Variants in CHRNA7 observed in about 807,000 individuals in gnomAD.
CHRNA7 encodes cholinergic receptor nicotinic alpha 7 subunit, also known as neuronal acetylcholine receptor subunit alpha-7.
In CHRNA7, 17 loss-of-function variants were observed where a neutral mutation model predicts 48.0. That is an observed-to-expected ratio of 0.35 (90% CI 0.24 to 0.53). CHRNA7 has a LOEUF of 0.53. CHRNA7 is among the 20% of genes least tolerant of loss of function. CHRNA7 has a pLI of 0.92. For missense variants in CHRNA7, 155 were observed against 577.7 expected (o/e 0.27, Z 7.50); for synonymous variants, 75 against 242.3 (o/e 0.31, Z 6.41).
At chr15:32,031,709 A>G (rs983830767) in intron 2 of CHRNA7, among the ~76,000 whole-genome samples, 5 of 152,246 alleles carry the variant, frequency 3.3e-5, no homozygotes, top group Non-Finnish European at 5.9e-5. Context: ...CAGCCTTGCT[A>G]GTGCCCACTT....
chr15:32,042,274 A>T (rs1009980626), intron 2 of CHRNA7, among the ~76,000 whole-genome samples: 5 of 152,092 alleles, frequency 3.3e-5, no homozygotes, highest in African/African-American at 1.2e-4. Flanking sequence ...GTGCGATAGG[A>T]TGGCTAGAGT....
chr15:32,044,340 C>T (rs1002977256), intron 2 of CHRNA7, among the ~76,000 whole-genome samples: 2 of 151,468 alleles, frequency 1.3e-5, no homozygotes, highest in African/African-American at 2.4e-5. Flanking sequence ...TGCAATGGCA[C>T]GATCTTGGCT....
At chr15:32,132,918 T>G (rs139970357) in intron 4 of CHRNA7, among the ~76,000 whole-genome samples, 3 of 152,362 alleles carry the variant, frequency 2.0e-5, no homozygotes, top group Non-Finnish European at 4.4e-5. Context: ...GTTGGTCAAT[T>G]TCTTCACTCA....
At chr15:32,103,425 A>AC (rs2050607598) in intron 3 of CHRNA7, among the ~76,000 whole-genome samples, 2 of 149,210 alleles carry the variant, frequency 1.3e-5, no homozygotes, top group African/African-American at 5.0e-5. Context: ...AAAAAAAAAA[A>AC]AGAAAGAAAA....
At chr15:32,053,106 G>A (rs2049721388) in intron 2 of CHRNA7, among the ~76,000 whole-genome samples, 1 of 152,164 alleles carries the variant, frequency 6.6e-6, no homozygotes, top group South Asian at 2.1e-4. Context: ...TTAGGAGACA[G>A]AGCCCTGAAG....
chr15:32,050,649 C>T (rs1316906151), intron 2 of CHRNA7, among the ~76,000 whole-genome samples: 2 of 152,216 alleles, frequency 1.3e-5, no homozygotes, highest in South Asian at 4.1e-4. Flanking sequence ...CTCAACTCGT[C>T]AAAGTCATTC....
intron 4 of CHRNA7, among the ~76,000 whole-genome samples, chr15:32,123,877 T>C (rs2051017054): frequency 1.3e-5 from 2 of 148,430 alleles, no homozygotes; most frequent in Admixed American, 6.8e-5. Flanking sequence ...CTGTCTTTTG[T>C]CAGTTTAATT....
At chr15:32,115,284 C>T (rs1395431595) in intron 4 of CHRNA7, among the ~76,000 whole-genome samples, 1 of 152,110 alleles carries the variant, frequency 6.6e-6, no homozygotes, top group African/African-American at 2.4e-5. Context: ...CCCAGGAAAC[C>T]GAAAGACCAG....
chr15:32,106,680 G>T (rs773819412), intron 3 of CHRNA7, among the ~76,000 whole-genome samples: 3 of 152,148 alleles, frequency 2.0e-5, no homozygotes, highest in Non-Finnish European at 4.4e-5. Flanking sequence ...AGAGACATTT[G>T]AACCATCCAG....
At chr15:32,038,353 G>A (rs1362624873) in intron 2 of CHRNA7, among the ~76,000 whole-genome samples, 1 of 151,814 alleles carries the variant, frequency 6.6e-6, no homozygotes, top group Non-Finnish European at 1.5e-5. Flanking sequence ...ATGAATAGGA[G>A]TTGGATTATG....
intron 2 of CHRNA7, among the ~76,000 whole-genome samples, chr15:32,055,421 T>G (rs1398659145): frequency 6.6e-6 from 1 of 152,232 alleles, no homozygotes; most frequent in African/African-American, 2.4e-5. Flanking sequence ...GATATCAAGG[T>G]GCCAGTATCT....
At chr15:32,052,326 C>T (rs982663917) in intron 2 of CHRNA7, among the ~76,000 whole-genome samples, 7 of 151,938 alleles carry the variant, frequency 4.6e-5, no homozygotes, top group African/African-American at 1.7e-4. Flanking sequence ...TATGTGCTCT[C>T]TAATTTGTGG....
chr15:32,127,251 A>G (rs571100329), intron 4 of CHRNA7, among the ~76,000 whole-genome samples: 1 of 152,242 alleles, frequency 6.6e-6, no homozygotes, highest in South Asian at 2.1e-4. Context: ...GTTTTTCGCT[A>G]TTGCAATCAT....
At chr15:32,040,731 A>G (rs1243040998) in intron 2 of CHRNA7, among the ~76,000 whole-genome samples, 2 of 152,126 alleles carry the variant, frequency 1.3e-5, no homozygotes, top group Admixed American at 6.5e-5. Flanking sequence ...TAAGAAAAAC[A>G]AAAGTTTTTA....
chr15:32,071,587 G>A (rs888196375), intron 2 of CHRNA7, among the ~76,000 whole-genome samples: 6 of 152,090 alleles, frequency 3.9e-5, no homozygotes, highest in Admixed American at 1.3e-4. Context: ...TTGGATGATT[G>A]GAGCAGATCC....
At chr15:32,110,863 T>G (rs2050751690) in intron 3 of CHRNA7, among the ~76,000 whole-genome samples, 1 of 152,168 alleles carries the variant, frequency 6.6e-6, no homozygotes, top group Non-Finnish European at 1.5e-5. Flanking sequence ...GTTGGGGTGG[T>G]GCATCACATA....
At chr15:32,145,813 A>G (rs1368597302) in intron 4 of CHRNA7, among the ~76,000 whole-genome samples, 3 of 152,192 alleles carry the variant, frequency 2.0e-5, no homozygotes, top group Non-Finnish European at 4.4e-5. Context: ...CTGTTTTTCC[A>G]GGTACAGTCT....
chr15:32,113,862 A>C (rs2050804063), intron 4 of CHRNA7, among the ~76,000 whole-genome samples: 1 of 49,616 alleles, frequency 2.0e-5, no homozygotes, highest in East Asian at 3.6e-4. Flanking sequence ...TAACAACAAT[A>C]ACGACAACAA....
At position 32,080,214 on chromosome 15, in the gene CHRNA7, C is replaced by T. The variant is rs1006610398; in HGVS notation, c.196-21089C>T. 1.8e-4 allele frequency among the ~76,000 whole-genome samples: 27 copies of T among 152,116 alleles called. 1 individual carries two copies. Among genetic ancestry groups the T allele is most frequent in the Non-Finnish European group, 1.5e-5 (1 of 68,020 alleles). ...ATAAAAACCTAGAAGAAAATGTAGG[C>T]ACTATCATTCAGGACGTAGGCATGG... is the stretch of plus-strand genomic sequence containing the variant. On this transcript the variant is annotated intron_variant, in intron 2 of 9. Coordinates refer to ENST00000306901, the MANE Select transcript of CHRNA7 (RefSeq NM_000746.6).
Sources: allele counts gnomAD v4.1 joint callset (sites outside exome capture counted in the v4.1 genomes callset), GRCh38; gene constraint gnomAD v4.1.1; transcripts MANE v1.5; gene names NCBI Gene and HGNC (gene_info 2026-07-23, HGNC 2026-07-21).